Variants in LDB3 observed in about 807,000 individuals in gnomAD.
LDB3 encodes LIM domain-binding protein 3.
LDB3 carries 49 observed loss-of-function variants against 69.0 expected under a neutral mutation model. That is an observed-to-expected ratio of 0.71 (90% confidence interval 0.56 to 0.90). The LOEUF (loss-of-function observed/expected upper bound fraction) is 0.90. Among genes scored for constraint, LDB3 ranks in the 40% least tolerant of loss-of-function variants. The probability of loss-of-function intolerance (pLI) is 0.00; values close to 1 mark genes in which losing one functional copy is unlikely to be tolerated. For synonymous variants in LDB3, 387 were observed against 396.2 expected (o/e 0.98, Z 0.28); for missense variants, 928 against 974.1 (o/e 0.95, Z 0.63).
intron 5 of LDB3, chr10:86,685,600 G>C (rs1845422837): frequency 1.4e-6 from 2 of 1,457,800 alleles, no homozygotes; most frequent in South Asian, 1.1e-5. Flanking sequence ...CCAGGCTGAT[G>C]ATGGCCCCGG....
chr10:86,716,737 A>T lies in LDB3; in HGVS notation c.1642A>T (p.Thr548Ser), dbSNP rs1846892988. The change falls in exon 10 of 14, where the codon ACT (threonine) becomes TCT (serine). Residue 548 changes from threonine to serine, a missense_variant. Coordinates refer to ENST00000361373, the MANE Select transcript of LDB3 (RefSeq NM_007078.3). ...RAERFPASSR[T>S]PLCGHCNNVI... ...TGAGCGATTCCCAGCCAGCAGCCGG[A>T]CTCCACTCTGCGGTCACTGCAACAA... The T allele has an allele frequency of 6.2e-7, 1 of 1,612,176 alleles. No individual in the cohort carries two copies. Among genetic ancestry groups the T allele is most frequent in the Non-Finnish European group, 8.5e-7 (1 of 1,179,594 alleles).
intron 12 of LDB3, 33 bp downstream of exon 12, chr10:86,718,880 CCACAGCCTGGGAG>C (rs763605341): frequency 6.2e-7 from 1 of 1,613,290 alleles, no homozygotes; most frequent in Admixed American, 1.7e-5. Flanking sequence ...TGGGGAGGCC[CCACAGCCTGGGAG>C]AAAGGGGCAG....
At chr10:86,697,644 C>G (rs1015848264) in intron 7 of LDB3, among the ~76,000 whole-genome samples, 4 of 150,048 alleles carry the variant, frequency 2.7e-5, no homozygotes, top group Admixed American at 1.3e-4. Flanking sequence ...ACCTCCGCCT[C>G]CCGGGTTCAA....
intron 7 of LDB3, among the ~76,000 whole-genome samples, chr10:86,700,783 C>A (rs1846230890): frequency 1.3e-5 from 2 of 152,328 alleles, no homozygotes; most frequent in South Asian, 2.1e-4. Flanking sequence ...TTCACCTGAC[C>A]CAGGCCTGAC....
At chr10:86,691,750 A>G (rs1564642608) in intron 5 of LDB3, 146 bp from the exon 6 acceptor site, 1 of 907,102 alleles carries the variant, frequency 1.1e-6, no homozygotes, top group Non-Finnish European at 1.8e-6. Context: ...GGTCATGCCC[A>G]TATCTCAGGT....
chr10:86,730,527 A>G (rs535459937), intron 13 of LDB3, among the ~76,000 whole-genome samples: 4 of 152,358 alleles, frequency 2.6e-5, no homozygotes. Context: ...AATTTCAAGT[A>G]AACACAGTCC....
At chr10:86,730,349 C>T (rs144716289) in intron 13 of LDB3, among the ~76,000 whole-genome samples, 146 of 152,350 alleles carry the variant, frequency 9.6e-4, no homozygotes, top group African/African-American at 3.3e-3. Context: ...TTCTGCCCCC[C>T]AGCAGGGATC....
chr10:86,677,342 A>T (rs1343902456), intron 2 of LDB3, among the ~76,000 whole-genome samples: 3 of 152,178 alleles, frequency 2.0e-5, no homozygotes, highest in Non-Finnish European at 2.9e-5. Flanking sequence ...AGGTATCTTT[A>T]GGGGTGGGGC....
intron 2 of LDB3, among the ~76,000 whole-genome samples, chr10:86,671,103 G>A (rs1564627706): frequency 1.3e-5 from 2 of 152,172 alleles, no homozygotes; most frequent in African/African-American, 4.8e-5. Flanking sequence ...GGCACCAGAG[G>A]CAAGAGTGTG....
chr10:86,680,529 G>A (rs79075680), intron 4 of LDB3, among the ~76,000 whole-genome samples: 1,638 of 152,322 alleles, frequency 0.011, 37 homozygotes, highest in African/African-American at 0.037. Flanking sequence ...GGGGGCCACC[G>A]CTGGGTGACT....
chr10:86,669,340 G>A (rs1564626618), intron 2 of LDB3, among the ~76,000 whole-genome samples: 1 of 152,216 alleles, frequency 6.6e-6, no homozygotes, highest in East Asian at 1.9e-4. Context: ...GGCTCATGGG[G>A]CTGGGCGCTT....
At chr10:86,711,795 C>G (rs1390369793) in intron 9 of LDB3, among the ~76,000 whole-genome samples, 1 of 149,034 alleles carries the variant, frequency 6.7e-6, no homozygotes, top group Non-Finnish European at 1.5e-5. Flanking sequence ...ACCCTGCGCG[C>G]GGGCCGGGGA....
intron 5 of LDB3, among the ~76,000 whole-genome samples, chr10:86,683,544 C>A (rs139057517): frequency 2.6e-5 from 4 of 152,214 alleles, no homozygotes; most frequent in Non-Finnish European, 5.9e-5. Flanking sequence ...ACTCTGCTGT[C>A]GGTGCAGGGG....
chr10:86,729,268 C>T (rs1322390825), intron 13 of LDB3, among the ~76,000 whole-genome samples: 1 of 152,156 alleles, frequency 6.6e-6, no homozygotes, highest in Non-Finnish European at 1.5e-5. Flanking sequence ...CCCTCAAGTC[C>T]AAAGCATATA....
At position 86,699,286 on chromosome 10, in the gene LDB3, T is replaced by C. The variant is rs372510010; in HGVS notation, c.896+6715T>C. On this transcript the variant is annotated intron_variant, in intron 7 of 13. Transcript: ENST00000361373. The surrounding 1 kb of genome is among the most constrained non-coding windows in gnomAD (Gnocchi z 4.9). ...CTCTCTCTGTGCCACAGGGAAAGGT[T>C]TGAAACGGAACGTAACAGCCCACGT... 1.9e-6 allele frequency: 3 copies of C among 1,613,298 alleles called. No homozygotes were observed. Among genetic ancestry groups the C allele is most frequent in the African/African-American group, 2.7e-5 (2 of 74,684 alleles).
intron 12 of LDB3, among the ~76,000 whole-genome samples, chr10:86,723,275 A>G (rs1847148662): frequency 6.7e-6 from 1 of 149,806 alleles, no homozygotes. Context: ...ATCTAAAAAA[A>G]AAAAAAAAAA....
At chr10:86,679,599 A>G in intron 3 of LDB3, 81 bp downstream of exon 3, 1 of 1,493,958 alleles carries the variant, frequency 6.7e-7, no homozygotes, top group African/African-American at 1.4e-5. Flanking sequence ...ATTGTCCCAT[A>G]GCAATTGAGT....
intron 5 of LDB3, among the ~76,000 whole-genome samples, chr10:86,682,173 T>C (rs1246451051): frequency 6.6e-6 from 1 of 152,102 alleles, no homozygotes; most frequent in African/African-American, 2.4e-5. Flanking sequence ...GCCTGCAGCC[T>C]TCAAGAGCTA....
chr10:86,681,850 G>A (rs1470970858), intron 5 of LDB3, 47 bp downstream of exon 5: 1 of 1,521,032 alleles, frequency 6.6e-7, no homozygotes, highest in East Asian at 2.3e-5. Flanking sequence ...GGGCCACCTG[G>A]GTCCTCGGTG....
Sources: gnomAD v4.1 joint callset for allele counts (sites outside exome capture counted in the v4.1 genomes callset) on GRCh38, gnomAD v4.1.1 for gene constraint, Gnocchi (gnomAD v3.1) non-coding constraint, MANE v1.5 for transcripts, NCBI Gene and HGNC (gene_info 2026-07-23, HGNC 2026-07-21) for gene names.